PIP5K1A: variants seen among roughly 807,000 people sequenced by gnomAD.
The protein encoded by PIP5K1A is phosphatidylinositol-4-phosphate 5-kinase type 1 alpha, also known as phosphatidylinositol 4-phosphate 5-kinase type-1 alpha.
In PIP5K1A, 46 loss-of-function variants were observed where a neutral mutation model predicts 72.9. The ratio of observed to expected loss-of-function variants is 0.63; its 90% CI spans 0.50 to 0.81. The LOEUF is 0.81. Ranked by LOEUF, PIP5K1A falls within the 30% of genes least tolerant of loss-of-function variation. The pLI is 0.00. For missense variants in PIP5K1A, 458 were observed against 706.1 expected, an observed-to-expected ratio of 0.65 and a Z score of 3.98; for synonymous variants, 228 against 255.1, an observed-to-expected ratio of 0.89 and a Z score of 1.01.
At chr1:151,207,068 C>T (rs979195101) in intron 1 of PIP5K1A, among the ~76,000 whole-genome samples, 5 of 152,066 alleles carry the variant, frequency 3.3e-5, no homozygotes, top group Non-Finnish European at 1.5e-5. Flanking sequence ...TGAGGTTTCA[C>T]CATGTTGGCC....
chr1:151,203,708 C>T (rs1002538620), intron 1 of PIP5K1A, among the ~76,000 whole-genome samples: 3 of 151,604 alleles, frequency 2.0e-5, no homozygotes, highest in African/African-American at 7.3e-5. Context: ...CCTGTAGTCC[C>T]AGCTACTCGG....
At position 151,236,683 on chromosome 1, in the gene PIP5K1A, C is replaced by T. The variant is rs372356635; in HGVS notation, c.1065C>T (p.Pro355=). 5.0e-6 allele frequency: 8 copies of T among 1,613,878 alleles called. No individual in the cohort carries two copies. The highest frequency in any genetic ancestry group is 4.5e-5 in the East Asian group (2 of 44,886). The change falls in exon 9 of 16, where the codon CCC becomes CCT. Residue 355 remains proline (P), a synonymous_variant. Transcript: ENST00000368888. ...CAGTTGATACTCGAAGACCGGCCCC[C>T]CAAAAGGCTCTGTATTCCACAGCCA... The part of the protein sequence containing the change: ...QYSVDTRRPA[P]QKALYSTAME...
At chr1:151,211,602 C>G (rs1686802077) in intron 1 of PIP5K1A, among the ~76,000 whole-genome samples, 1 of 151,750 alleles carries the variant, frequency 6.6e-6, no homozygotes, top group African/African-American at 2.4e-5. Context: ...CGAGACCATC[C>G]TGGCTAACAT....
intron 8 of PIP5K1A, among the ~76,000 whole-genome samples, chr1:151,236,204 G>A (rs960655177): frequency 2.0e-5 from 3 of 151,968 alleles, no homozygotes; most frequent in Non-Finnish European, 2.9e-5. Flanking sequence ...GTCAAGCCAG[G>A]CGTGGTGGCT....
chr1:151,212,004 C>T (rs587654061), intron 1 of PIP5K1A, among the ~76,000 whole-genome samples: 6 of 151,414 alleles, frequency 4.0e-5, no homozygotes, highest in Admixed American at 1.3e-4. Context: ...CCTAGCTATT[C>T]GGGAGGCTGA....
At chr1:151,210,521 A>G (rs1286762666) in intron 1 of PIP5K1A, among the ~76,000 whole-genome samples, 1 of 152,038 alleles carries the variant, frequency 6.6e-6, no homozygotes, top group African/African-American at 2.4e-5. Context: ...AAGTCCACTG[A>G]GAGTTAGCAT....
At chr1:151,220,567 A>G (rs587700813) in intron 1 of PIP5K1A, among the ~76,000 whole-genome samples, 1 of 152,102 alleles carries the variant, frequency 6.6e-6, no homozygotes, top group South Asian at 2.1e-4. Context: ...CCCCGGGTTC[A>G]ACCGATTCTC....
intron 1 of PIP5K1A, 146 bp downstream of exon 1, chr1:151,199,227 G>A: frequency 6.9e-7 from 1 of 1,442,996 alleles, no homozygotes; most frequent in Non-Finnish European, 9.3e-7. Flanking sequence ...AGGGATTTAT[G>A]AGCGGGCAGG....
intron 8 of PIP5K1A, among the ~76,000 whole-genome samples, chr1:151,236,119 C>CA (rs377141308): frequency 0.062 from 3,995 of 64,596 alleles, 87 homozygotes; most frequent in Middle Eastern, 0.2. Context: ...GACTCCGTCT[C>CA]AAAAAAAAAA....
chr1:151,240,342 C>A, intron 12 of PIP5K1A: 1 of 354,620 alleles, frequency 2.8e-6, no homozygotes, highest in South Asian at 2.8e-5. Context: ...GGATCCATGC[C>A]ACAGAGATAG....
intron 1 of PIP5K1A, among the ~76,000 whole-genome samples, chr1:151,209,138 G>A (rs1173510730): frequency 6.6e-6 from 1 of 151,878 alleles, no homozygotes; most frequent in African/African-American, 2.4e-5. Flanking sequence ...AACAATTTGT[G>A]TCTCCCACCT....
intron 1 of PIP5K1A, among the ~76,000 whole-genome samples, chr1:151,208,717 C>A (rs1165592586): frequency 9.8e-6 from 1 of 101,940 alleles, no homozygotes; most frequent in African/African-American, 3.6e-5. Context: ...TGTAATGGTA[C>A]GCTTTTTTTT....
intron 1 of PIP5K1A, among the ~76,000 whole-genome samples, chr1:151,216,864 T>C (rs1687704962): frequency 6.6e-6 from 1 of 151,974 alleles, no homozygotes; most frequent in South Asian, 2.1e-4. Context: ...TAGAGAAATT[T>C]TAACCAACCT....
At chr1:151,231,603 T>G in intron 4 of PIP5K1A, 68 bp from the exon 5 acceptor site, 1 of 1,398,700 alleles carries the variant, frequency 7.1e-7, no homozygotes, top group Non-Finnish European at 1.0e-6. Flanking sequence ...AGCTTCCCCT[T>G]TCTGAATTTT....
intron 1 of PIP5K1A, among the ~76,000 whole-genome samples, chr1:151,211,500 A>G (rs2102091518): frequency 6.6e-6 from 1 of 151,732 alleles, no homozygotes; most frequent in African/African-American, 2.4e-5. Flanking sequence ...CAAAAAACTT[A>G]AAAGATATTT....
chr1:151,237,119 C>T (rs1286327545), intron 9 of PIP5K1A, among the ~76,000 whole-genome samples: 3 of 151,976 alleles, frequency 2.0e-5, no homozygotes, highest in Admixed American at 6.5e-5. Context: ...CGTGAGCCAC[C>T]GTGCCCGGCC....
Position 151,231,748 on chromosome 1 carries a change from G to A in PIP5K1A, c.315G>A (p.Glu105=), listed in dbSNP as rs760732978. ...TGGGGAGCCTGAGTACCAAACCAGA[G>A]CGTGATGTCCTCATGCAAGATTTCT... ...HTVGSLSTKP[E]RDVLMQDFYV... is the part of the protein sequence containing the mutation. Residue 105 remains glutamate (E), a synonymous_variant, in exon 5 of 16, where the codon GAG becomes GAA. Coordinates refer to ENST00000368888, the MANE Select transcript of PIP5K1A (RefSeq NM_001135638.2). 4.3e-6 allele frequency: 7 copies of A among 1,613,858 alleles called. No individual in the cohort carries two copies. The highest frequency in any genetic ancestry group is 5.9e-6 in the Non-Finnish European group (7 of 1,179,752).
chr1:151,198,419 A>T (rs1572106589), upstream of PIP5K1A: 2 of 254,922 alleles, frequency 7.8e-6, no homozygotes, highest in Non-Finnish European at 1.6e-5. Flanking sequence ...CACATCTTCC[A>T]CCCGTGGACT....
At chr1:151,201,728 G>C (rs587615517) in intron 1 of PIP5K1A, among the ~76,000 whole-genome samples, 24 of 152,152 alleles carry the variant, frequency 1.6e-4, no homozygotes, top group African/African-American at 5.1e-4. Flanking sequence ...CAGGCATGTT[G>C]GCGCAGGCCT....
Sources: allele counts gnomAD v4.1 joint callset (sites outside exome capture counted in the v4.1 genomes callset), GRCh38; gene constraint gnomAD v4.1.1; transcripts MANE v1.5; gene names NCBI Gene and HGNC (gene_info 2026-07-23, HGNC 2026-07-21).